GSN: variants seen among roughly 807,000 people sequenced by gnomAD.
GSN encodes gelsolin.
GSN carries 56 observed loss-of-function variants against 85.7 expected under a neutral mutation model. The observed-to-expected ratio is 0.65, with a 90% CI of 0.53 to 0.82. The LOEUF (loss-of-function observed/expected upper bound fraction) is 0.82. Among genes scored for constraint, GSN ranks in the 40% least tolerant of loss-of-function variants. The pLI, the probability that GSN is intolerant of heterozygous loss-of-function variation, is 0.00. For missense variants in GSN, 857 were observed against 979.8 expected (o/e 0.87, Z 1.67); for synonymous variants, 373 against 399.1 (o/e 0.93, Z 0.78).
chr9:121,281,601 C>A (rs2057371656), intron 2 of GSN, 39 bp downstream of exon 2: 1 of 471,186 alleles, frequency 2.1e-6, no homozygotes, highest in Non-Finnish European at 4.4e-6. Context: ...TCCTCTTAAA[C>A]CCCGCCCTGG....
chr9:121,224,882 A>C (rs1031440540), intron 4 of GSN, among the ~76,000 whole-genome samples: 19 of 152,302 alleles, frequency 1.2e-4, no homozygotes, highest in African/African-American at 4.3e-4. Context: ...GCAGCAGCAC[A>C]ATCATGGCTC....
chr9:121,331,032 G>A (rs1367599165), intron 16 of GSN, among the ~76,000 whole-genome samples: 22 of 152,136 alleles, frequency 1.4e-4, no homozygotes, highest in Admixed American at 1.4e-3. Context: ...AGGCAAACTA[G>A]AACTGCTCAT....
chr9:121,298,424 C>T (rs1234128631), intron 2 of GSN, among the ~76,000 whole-genome samples: 3 of 152,102 alleles, frequency 2.0e-5, no homozygotes, highest in Non-Finnish European at 4.4e-5. Flanking sequence ...TGAACCATAT[C>T]CCCCCTTAGG....
chr9:121,327,453 C>T lies in GSN; in HGVS notation c.1733C>T (p.Pro578Leu). The change falls in exon 14 of 18, where the codon CCT (proline) becomes CTT (leucine). Residue 578 changes from proline (P) to leucine (L), a missense_variant. Coordinates refer to ENST00000432226, the MANE Select transcript of GSN (RefSeq NM_198252.3). ...QELLRVLRAQ[P>L]VQVAEGSEPD... ...CTGCTCAGGGTGCTGCGGGCCCAAC[C>T]TGTGCAGGTGGCAGAAGGCAGCGAG... is the stretch of plus-strand genomic sequence containing the variant. The T allele has an allele frequency of 1.3e-6, 2 of 1,594,638 alleles. No homozygotes were observed. The highest frequency in any genetic ancestry group is 1.7e-6 in the Non-Finnish European group (2 of 1,170,030).
chr9:121,282,203 T>C, intron 2 of GSN: 2 of 547,320 alleles, frequency 3.7e-6, no homozygotes, highest in South Asian at 2.0e-5. Flanking sequence ...CCTCGGTTTC[T>C]CCACCTGTAG....
intron 1 of GSN, among the ~76,000 whole-genome samples, chr9:121,279,611 G>A (rs2057097268): frequency 6.6e-6 from 1 of 152,062 alleles, no homozygotes; most frequent in South Asian, 2.1e-4. Context: ...TGTCTGGACT[G>A]GTCCACCGGG....
intron 4 of GSN, among the ~76,000 whole-genome samples, chr9:121,229,443 C>T (rs1389892228): frequency 5.3e-5 from 8 of 152,170 alleles, no homozygotes; most frequent in Non-Finnish European, 8.8e-5. Flanking sequence ...TGGTCTCAAA[C>T]TTCTGACCTC....
chr9:121,327,570 C>A, intron 14 of GSN, 88 bp downstream of exon 14: 2 of 1,098,638 alleles, frequency 1.8e-6, no homozygotes, highest in Non-Finnish European at 2.6e-6. Context: ...GCTCTAAATC[C>A]TCCCCTCCAT....
In GSN at chr9:121,332,348, C is replaced by A; in HGVS notation, c.2027-86C>A. ...TAGGACCATAGACCCTCTTCTTTGT[C>A]AACTCCTGTCCTGAGTCACCCTCTC... is the stretch of plus-strand genomic sequence containing the variant. On this transcript the variant is annotated intron_variant, in intron 17 of 17. Transcript: ENST00000432226. This position sits in a 1 kb window ranked among gnomAD's most constrained non-coding sequence, Gnocchi z 4.8. 1 of 1,207,960 alleles carries A rather than the reference C, an allele frequency of 8.3e-7. No homozygotes were observed. Among genetic ancestry groups the A allele is most frequent in the Non-Finnish European group, 1.2e-6 (1 of 809,542 alleles). The allele number at this position is 1,207,960 out of a possible 1,614,324, so 74.8% of individuals were successfully genotyped here. A position where few individuals can be genotyped will look rare whatever the true frequency, so the allele number is the denominator to read the frequency against.
chr9:121,267,258 T>C (rs1329528341), upstream of GSN, among the ~76,000 whole-genome samples: 1 of 152,216 alleles, frequency 6.6e-6, no homozygotes, highest in Admixed American at 6.5e-5. Context: ...TCGTCTCAAA[T>C]GCATATGAGA....
chr9:121,318,581 G>A lies in GSN; in HGVS notation c.976-84G>A. The A allele has an allele frequency of 1.4e-6, 2 of 1,441,498 alleles. No homozygotes were observed. Among genetic ancestry groups the A allele is most frequent in the South Asian group, 1.1e-5 (1 of 87,570 alleles). 89.3% of individuals were successfully genotyped at this position (1,441,498 alleles called of 1,614,324 possible). On this transcript the variant is annotated intron_variant, in intron 9 of 17. Coordinates refer to ENST00000432226, the MANE Select transcript of GSN (RefSeq NM_198252.3). This position sits in a 1 kb window ranked among gnomAD's most constrained non-coding sequence, Gnocchi z 4.3. ...GAGTAGGGCGGGTGTCCCACCCTCA[G>A]TGTGGATGGGGTATCTGAGGCTCCC... is the stretch of plus-strand genomic sequence containing the variant.
rs527531070 is a variant in GSN, at chr9:121,300,969, C to G, written c.-9-994C>G. ...CGTGCACAGAGCTAGCGCCTGCTGT[C>G]TGCCAGGCCCCGTGCTGGAAATCTT... On this transcript the variant is annotated intron_variant, in intron 2 of 17. Coordinates refer to ENST00000432226, the MANE Select transcript of GSN (RefSeq NM_198252.3). Among the ~76,000 whole-genome samples, 4 of 152,338 alleles carry G rather than the reference C, an allele frequency of 2.6e-5. No individual in the cohort carries two copies. The South Asian group carries it at 8.3e-4, about 32-fold the overall frequency.
intron 1 of GSN, among the ~76,000 whole-genome samples, chr9:121,208,064 G>C (rs897985969): frequency 2.0e-5 from 3 of 152,084 alleles, no homozygotes; most frequent in Non-Finnish European, 4.4e-5. Context: ...TGGGATTACA[G>C]GCATAAGCCA....
intron 1 of GSN, among the ~76,000 whole-genome samples, chr9:121,278,684 C>T (rs1056013405): frequency 5.3e-5 from 8 of 152,230 alleles, no homozygotes; most frequent in African/African-American, 1.9e-4. Context: ...TGAAACCCTT[C>T]TCTTTATGGC....
chr9:121,293,551 C>A (rs1404293157), intron 2 of GSN, among the ~76,000 whole-genome samples: 1 of 152,004 alleles, frequency 6.6e-6, no homozygotes, highest in Non-Finnish European at 1.5e-5. Context: ...GAGTTCGAGA[C>A]CAGCCTGGCC....
chr9:121,289,673 G>T (rs1309508069), intron 2 of GSN, among the ~76,000 whole-genome samples: 1 of 152,146 alleles, frequency 6.6e-6, no homozygotes, highest in Non-Finnish European at 1.5e-5. Flanking sequence ...GAGGAGACAG[G>T]CCCAGAGAGG....
intron 12 of GSN, among the ~76,000 whole-genome samples, chr9:121,326,160 G>C (rs151162375): frequency 0.021 from 3,218 of 150,698 alleles, 69 homozygotes; most frequent in Non-Finnish European, 0.031. Context: ...GCCCAGGCCT[G>C]ACGTCAGCAT....
intron 8 of GSN, 72 bp downstream of exon 8, chr9:121,317,290 A>G: frequency 6.6e-7 from 1 of 1,524,758 alleles, no homozygotes; most frequent in Non-Finnish European, 9.1e-7. Flanking sequence ...GCTCCCAGGA[A>G]CTCAGCTCCC....
intron 10 of GSN, among the ~76,000 whole-genome samples, chr9:121,319,309 C>G (rs143097388): frequency 6.6e-6 from 1 of 151,710 alleles, no homozygotes; most frequent in Non-Finnish European, 1.5e-5. Flanking sequence ...AGGAGGGACT[C>G]GCTATGTTCG....
Sources: gnomAD v4.1 joint callset for allele counts (sites outside exome capture counted in the v4.1 genomes callset) on GRCh38, gnomAD v4.1.1 for gene constraint, Gnocchi (gnomAD v3.1) non-coding constraint, MANE v1.5 for transcripts, NCBI Gene and HGNC (gene_info 2026-07-23, HGNC 2026-07-21) for gene names.